MAML2: variants seen among roughly 807,000 people sequenced by gnomAD.
MAML2 encodes the protein mastermind like transcriptional coactivator 2.
Under a neutral mutation model 96.1 loss-of-function variants are expected in MAML2, and 22 were observed. That is an observed-to-expected ratio of 0.23 (90% CI 0.16 to 0.33). MAML2 has a LOEUF of 0.33. Ranked by LOEUF, MAML2 falls within the 10% of genes least tolerant of loss-of-function variation. The probability of loss-of-function intolerance (pLI) is 1.00; values close to 1 mark genes in which losing one functional copy is unlikely to be tolerated. For synonymous variants in MAML2, 561 were observed against 521.3 expected (o/e 1.08, Z -1.04); for missense variants, 1,367 against 1,392.4 (o/e 0.98, Z 0.29).
chr11:96,169,378 C>A (rs1861244455), intron 1 of MAML2, among the ~76,000 whole-genome samples: 1 of 152,236 alleles, frequency 6.6e-6, no homozygotes, highest in African/African-American at 2.4e-5. Flanking sequence ...TGCAGCAAAC[C>A]TGTTCCATCT....
chr11:96,019,990 C>T (rs78361259), intron 2 of MAML2, among the ~76,000 whole-genome samples: 160 of 152,250 alleles, frequency 1.1e-3, no homozygotes, highest in African/African-American at 3.8e-3. Context: ...TCGTTAAGTG[C>T]TGTTTAAAGA....
At chr11:96,333,395 C>T (rs1174541905) in intron 1 of MAML2, among the ~76,000 whole-genome samples, 2 of 151,878 alleles carry the variant, frequency 1.3e-5, no homozygotes, top group African/African-American at 4.8e-5. Context: ...ATTCTTTGCT[C>T]TGAGTTTGGA....
chr11:96,025,226 G>GA (rs1318304930), intron 2 of MAML2, among the ~76,000 whole-genome samples: 2 of 152,074 alleles, frequency 1.3e-5, no homozygotes, highest in African/African-American at 4.8e-5. Context: ...CCATAAAAAA[G>GA]AAAAAAATCA....
At chr11:96,073,840 T>TAA (rs959589814) in intron 2 of MAML2, among the ~76,000 whole-genome samples, 9 of 152,236 alleles carry the variant, frequency 5.9e-5, no homozygotes, top group African/African-American at 2.2e-4. Context: ...AATGTACAGG[T>TAA]AAAAGGATCT....
At chr11:96,050,235 T>A (rs1192727115) in intron 2 of MAML2, among the ~76,000 whole-genome samples, 3 of 151,910 alleles carry the variant, frequency 2.0e-5, no homozygotes, top group African/African-American at 7.3e-5. Flanking sequence ...TGTGAGAGAG[T>A]CAACTACACT....
At chr11:96,117,223 AC>A (rs1281237183) in intron 1 of MAML2, among the ~76,000 whole-genome samples, 1 of 152,172 alleles carries the variant, frequency 6.6e-6, no homozygotes, top group Non-Finnish European at 1.5e-5. Context: ...AATTTCCATA[AC>A]TGGATTACCT....
At chr11:96,158,214 CAT>C (rs1292022569) in intron 1 of MAML2, among the ~76,000 whole-genome samples, 3 of 152,304 alleles carry the variant, frequency 2.0e-5, no homozygotes, top group South Asian at 4.1e-4. Context: ...GGTGAAAAAT[CAT>C]AGTTTATTTA....
rs1218185593 is a variant in MAML2 at position 96,101,078 on chromosome 11, A to C, written c.514-7561T>G. On this transcript the variant is annotated intron_variant, in intron 1 of 4. Transcript: ENST00000524717. ...GCTACTCTTTATGAAGCCCAAGATA[A>C]AGCTTTATATAGAAGCAGGAGCAAT... Among the ~76,000 whole-genome samples the C allele has an allele frequency of 2.0e-5, 3 of 152,156 alleles. No homozygotes were observed. The East Asian group carries it at 5.8e-4, about 29-fold the overall frequency.
intron 1 of MAML2, among the ~76,000 whole-genome samples, chr11:96,339,560 C>A (rs1275899471): frequency 1.3e-5 from 2 of 152,208 alleles, no homozygotes; most frequent in Non-Finnish European, 2.9e-5. Flanking sequence ...CCTTGACACC[C>A]CGGGCAGAGA....
In MAML2 at chr11:96,031,156, A is replaced by G. The variant is rs1858607655; in HGVS notation, c.2140-39433T>C. ...AGGTAATATATCTCAAAAGCACAGTAAAGTACCTGGCATGAATAAGTGCTC... is the reference window on the plus strand; with the variant it reads ...AGGTAATATATCTCAAAAGCACAGTGAAGTACCTGGCATGAATAAGTGCTC... On this transcript the variant is annotated intron_variant, in intron 2 of 4. Coordinates refer to ENST00000524717, the MANE Select transcript of MAML2 (RefSeq NM_032427.4). 2.6e-5 allele frequency among the ~76,000 whole-genome samples: 4 copies of G among 152,238 alleles called. No individual in the cohort carries two copies. The South Asian group carries it at 6.2e-4, about 24-fold the overall frequency.
chr11:96,282,876 T>C (rs1014675270), intron 1 of MAML2, among the ~76,000 whole-genome samples: 8 of 152,224 alleles, frequency 5.3e-5, no homozygotes, highest in African/African-American at 1.9e-4. Flanking sequence ...CCTTTTCACT[T>C]CAACCTTAAT....
chr11:96,204,955 A>C (rs940844542), intron 1 of MAML2, among the ~76,000 whole-genome samples: 1 of 152,252 alleles, frequency 6.6e-6, no homozygotes, highest in Admixed American at 6.5e-5. Flanking sequence ...AATTGGCATC[A>C]GTGAACTTCT....
intron 1 of MAML2, among the ~76,000 whole-genome samples, chr11:96,127,913 A>G (rs541554927): frequency 4.6e-5 from 7 of 152,336 alleles, no homozygotes; most frequent in African/African-American, 1.7e-4. Context: ...TAGAAGTGGC[A>G]TGTTCAAATC....
chr11:96,066,104 C>G (rs1859241263), intron 2 of MAML2, among the ~76,000 whole-genome samples: 1 of 152,238 alleles, frequency 6.6e-6, no homozygotes, highest in Non-Finnish European at 1.5e-5. Context: ...CAAGCAGCCA[C>G]ACCAGTGGTC....
At chr11:96,127,021 C>G (rs1055160383) in intron 1 of MAML2, among the ~76,000 whole-genome samples, 1 of 152,126 alleles carries the variant, frequency 6.6e-6, no homozygotes, top group South Asian at 2.1e-4. Context: ...CTTGTTGACC[C>G]GGTGTTGGTG....
At chr11:96,118,416 A>G (rs769215195) in intron 1 of MAML2, among the ~76,000 whole-genome samples, 2 of 152,172 alleles carry the variant, frequency 1.3e-5, no homozygotes, top group African/African-American at 2.4e-5. Context: ...TCTTTCTTCT[A>G]CTGCCATGAA....
chr11:96,204,963 TCTTAA>T (rs1320559802), intron 1 of MAML2, among the ~76,000 whole-genome samples: 1 of 152,222 alleles, frequency 6.6e-6, no homozygotes, highest in African/African-American at 2.4e-5. Context: ...TCAGTGAACT[TCTTAA>T]GAATCGAAAG....
At chr11:96,084,251 G>A (rs745324183) in intron 2 of MAML2, among the ~76,000 whole-genome samples, 1 of 152,116 alleles carries the variant, frequency 6.6e-6, no homozygotes, top group Admixed American at 6.5e-5. Context: ...TTTATAAGCT[G>A]CCTATGGAGT....
At chr11:96,314,763 T>C (rs1173173119) in intron 1 of MAML2, among the ~76,000 whole-genome samples, 1 of 152,232 alleles carries the variant, frequency 6.6e-6, no homozygotes, top group Non-Finnish European at 1.5e-5. Context: ...CCAATATAAA[T>C]GTTTGGCACA....
Sources: gnomAD v4.1 joint callset for allele counts (sites outside exome capture counted in the v4.1 genomes callset) on GRCh38, gnomAD v4.1.1 for gene constraint, MANE v1.5 for transcripts, NCBI Gene and HGNC (gene_info 2026-07-23, HGNC 2026-07-21) for gene names.